TBC1D16: variants seen among roughly 807,000 people sequenced by gnomAD.
TBC1D16 encodes TBC1 domain family member 16.
A neutral mutation model predicts 74.7 loss-of-function variants in TBC1D16; 58 were observed. The observed-to-expected ratio is 0.78, with a 90% CI of 0.63 to 0.97. The LOEUF is 0.97. Ranked by LOEUF, TBC1D16 falls within the 50% of genes least tolerant of loss-of-function variation. The probability of loss-of-function intolerance (pLI) is 0.00; values close to 1 mark genes in which losing one functional copy is unlikely to be tolerated. For synonymous variants in TBC1D16, 493 were observed against 474.7 expected, an observed-to-expected ratio of 1.04 and a Z score of -0.50; for missense variants, 1,014 against 1,079.5, an observed-to-expected ratio of 0.94 and a Z score of 0.85.
chr17:79,949,130 T>C (rs1039326942), intron 7 of TBC1D16, 124 bp from the exon 8 acceptor site: 18 of 1,285,998 alleles, frequency 1.4e-5, no homozygotes, highest in Non-Finnish European at 1.9e-5. Context: ...GCTGGGCGGC[T>C]GCTGCCGGCT....
At chr17:79,982,808 G>A (rs780301855) in intron 3 of TBC1D16, among the ~76,000 whole-genome samples, 4 of 152,090 alleles carry the variant, frequency 2.6e-5, no homozygotes, top group Non-Finnish European at 5.9e-5. Context: ...GCAGTGAGCC[G>A]AGATCACGTC....
rs1449721189 is a variant in TBC1D16 at position 79,980,109 on chromosome 17, A to G, written c.780-27291T>C. Among the ~76,000 whole-genome samples, 1 of 152,174 alleles carries G rather than the reference A, an allele frequency of 6.6e-6. No homozygotes were observed. The highest frequency in any genetic ancestry group is 1.5e-5 in the Non-Finnish European group (1 of 68,026). On this transcript the variant is annotated intron_variant, in intron 3 of 11. Transcript: ENST00000310924. This position sits in a 1 kb window ranked among gnomAD's most constrained non-coding sequence, Gnocchi z 7.0. The stretch of plus-strand genomic sequence containing the variant: ...GTTCATCTGGGCCTCCGAGCCTCCC[A>G]GCGCATCCCACTGCTCTGCAGAAAC...
In TBC1D16 at chr17:80,007,112, A is replaced by G. The variant is rs577564264; in HGVS notation, c.779+3048T>C. Among the ~76,000 whole-genome samples, 315 of 152,280 alleles carry G rather than the reference A, an allele frequency of 2.1e-3. No individual in the cohort carries two copies. Among genetic ancestry groups the G allele is most frequent in the Non-Finnish European group, 3.3e-3 (225 of 68,008 alleles). ...CCACCTCGTCCCAGCACAAAGCTGC[A>G]ACTCGCCACGTTCAGCGAGCCTCCC... On this transcript the variant is annotated intron_variant, in intron 3 of 11. Transcript: ENST00000310924. This position sits in a 1 kb window ranked among gnomAD's most constrained non-coding sequence, Gnocchi z 4.5.
intron 1 of TBC1D16, among the ~76,000 whole-genome samples, chr17:80,025,392 TTGGGTCCATAAACACAAGTCAGCCACC>T (rs1285807241): frequency 6.7e-6 from 1 of 149,954 alleles, no homozygotes; most frequent in African/African-American, 2.5e-5. Context: ...CTGGTCTGTC[TTGGGTCCATAAACACAAGTCAGCCACC>T]TGTCACCGGG....
intron 1 of TBC1D16, among the ~76,000 whole-genome samples, chr17:80,033,782 G>A (rs78580448): frequency 0.056 from 8,497 of 152,308 alleles, 726 homozygotes; most frequent in African/African-American, 0.18. Context: ...AAACTCAATG[G>A]CTTTATCCTG....
At chr17:79,943,770 G>A in intron 10 of TBC1D16, 1 of 1,195,176 alleles carries the variant, frequency 8.4e-7, no homozygotes, top group Non-Finnish European at 1.1e-6. Context: ...AGGTGTCCAT[G>A]GGAAAGGGAC....
At chr17:79,957,669 G>A (rs768477264) in intron 3 of TBC1D16, among the ~76,000 whole-genome samples, 3 of 152,028 alleles carry the variant, frequency 2.0e-5, no homozygotes, top group South Asian at 2.1e-4. Context: ...GTACAAGACC[G>A]AGTGTGAATG....
At chr17:80,012,326 G>C (rs932967801) in intron 2 of TBC1D16, among the ~76,000 whole-genome samples, 1 of 152,126 alleles carries the variant, frequency 6.6e-6, no homozygotes, top group Admixed American at 6.5e-5. Flanking sequence ...GGCAACCTCC[G>C]GGTCGAGGGG....
chr17:79,945,935 G>A (rs2032498336), intron 9 of TBC1D16, among the ~76,000 whole-genome samples: 1 of 152,258 alleles, frequency 6.6e-6, no homozygotes, highest in Non-Finnish European at 1.5e-5. Flanking sequence ...TCCCACGGGA[G>A]ACTGCGCTGA....
In TBC1D16 at chr17:79,935,570, G is replaced by C. The variant is rs1445939126; in HGVS notation, c.*5289C>G. 4.6e-5 allele frequency: 7 copies of C among 152,296 alleles called. No homozygotes were observed. Among genetic ancestry groups the C allele is most frequent in the African/African-American group, 1.7e-4 (7 of 41,464 alleles). 9.4% of individuals were successfully genotyped at this position (152,296 alleles called of 1,614,324 possible). The stretch of plus-strand genomic sequence containing the variant: ...GCCCTGTTTGCCCAGCACAGAGCCT[G>C]CCGTGCTTTGACCCAGCAAGTCCCA... On this transcript the variant is annotated 3_prime_UTR_variant, in exon 12 of 12. Coordinates refer to ENST00000310924, the MANE Select transcript of TBC1D16 (RefSeq NM_019020.4).
At chr17:79,995,586 T>C (rs11150829) in intron 3 of TBC1D16, among the ~76,000 whole-genome samples, 46,815 of 133,620 alleles carry the variant, frequency 0.35, 9,274 homozygotes, top group Admixed American at 0.48. Context: ...GAGATCAAGA[T>C]CATCCTGGCT....
rs1443648655 is a variant in TBC1D16, at chr17:79,983,542, G to T, written c.779+26618C>A. Reference sequence around the variant, plus strand: ...GCACCCGCAGCACCTCAGGCACGGGGAGCTGAGCCACCGACGGCTACAAAG... The same window carrying T: ...GCACCCGCAGCACCTCAGGCACGGGTAGCTGAGCCACCGACGGCTACAAAG... On this transcript the variant is annotated intron_variant, in intron 3 of 11. Transcript: ENST00000310924. The surrounding 1 kb of genome is among the most constrained non-coding windows in gnomAD (Gnocchi z 5.6). Among the ~76,000 whole-genome samples, 1 of 152,210 alleles carries T rather than the reference G, an allele frequency of 6.6e-6. No homozygotes were observed. The highest frequency in any genetic ancestry group is 1.5e-5 in the Non-Finnish European group (1 of 68,044).
intron 4 of TBC1D16, 87 bp downstream of exon 4, chr17:79,952,570 C>T (rs747098459): frequency 1.6e-5 from 24 of 1,489,306 alleles, no homozygotes; most frequent in East Asian, 4.6e-5. Context: ...GTCCCCAAGC[C>T]GTGCACTGCA....
chr17:79,994,282 G>A lies in TBC1D16; in HGVS notation c.779+15878C>T, dbSNP rs982040409. 6.6e-6 allele frequency among the ~76,000 whole-genome samples: 1 copy of A among 151,812 alleles called. No homozygotes were observed. The highest frequency in any genetic ancestry group is 2.4e-5 in the African/African-American group (1 of 41,300). On this transcript the variant is annotated intron_variant, in intron 3 of 11. Coordinates refer to ENST00000310924, the MANE Select transcript of TBC1D16 (RefSeq NM_019020.4). The surrounding 1 kb of genome is among the most constrained non-coding windows in gnomAD (Gnocchi z 4.6). ...GTGACTTCTAGAATCCCAGCTCAGG[G>A]CCGGGGGGGTGCCAGGGCTGTGAAC...
intron 2 of TBC1D16, among the ~76,000 whole-genome samples, 161 bp downstream of exon 2, chr17:80,013,206 C>A (rs997660018): frequency 6.6e-6 from 1 of 152,330 alleles, no homozygotes; most frequent in Middle Eastern, 3.4e-3. Flanking sequence ...AGACTTAACA[C>A]CCCCCAGACC....
intron 3 of TBC1D16, among the ~76,000 whole-genome samples, chr17:79,984,619 G>GAGAAGGAA (rs1491290219): frequency 1.7e-3 from 176 of 102,402 alleles, no homozygotes; most frequent in East Asian, 4.1e-3. Flanking sequence ...GAGGGAGGGA[G>GAGAAGGAA]TGAAGGAAGG....
In TBC1D16 at chr17:79,941,984, CCTTT is replaced by C. The variant is rs527424852; in HGVS notation, c.2055+72_2055+75del. ...GGGGCCCACATCTGGGGCAGCCTCACCTTTCTGAGAACGAGCTGGTGGGGTGGGG... is the reference window on the plus strand; with the variant it reads ...GGGGCCCACATCTGGGGCAGCCTCACCTGAGAACGAGCTGGTGGGGTGGGG... On this transcript the variant is annotated intron_variant, in intron 11 of 11. Transcript: ENST00000310924. This position sits in a 1 kb window ranked among gnomAD's most constrained non-coding sequence, Gnocchi z 4.3. 28 of 1,391,278 alleles carry C rather than the reference CCTTT, an allele frequency of 2.0e-5. No homozygotes were observed. Among genetic ancestry groups the C allele is most frequent in the East Asian group, 5.3e-5 (2 of 37,622 alleles). 86.2% of individuals were successfully genotyped at this position (1,391,278 alleles called of 1,614,324 possible). A position where few individuals can be genotyped will look rare whatever the true frequency, so the allele number is the denominator to read the frequency against.
Position 79,936,568 on chromosome 17 carries a change from G to T in TBC1D16, c.*4291C>A, listed in dbSNP as rs1338143632. 1.3e-5 allele frequency: 2 copies of T among 152,306 alleles called. No individual in the cohort carries two copies. The highest frequency in any genetic ancestry group is 6.5e-5 in the Admixed American group (1 of 15,284). 9.4% of individuals were successfully genotyped at this position (152,306 alleles called of 1,614,324 possible). A position where few individuals can be genotyped will look rare whatever the true frequency, so the allele number is the denominator to read the frequency against. ...GGCCACATACCCGGGGAGAATCGCA[G>T]GCAGCAGGGGCCAGGCCCCTTCCAC... On this transcript the variant is annotated 3_prime_UTR_variant, in exon 12 of 12. Transcript: ENST00000310924.
rs113542114 is a variant in TBC1D16 at position 80,009,743 on chromosome 17, G to C, written c.779+417C>G. 3.9e-5 allele frequency among the ~76,000 whole-genome samples: 6 copies of C among 152,228 alleles called. No homozygotes were observed. The highest frequency in any genetic ancestry group is 1.4e-4 in the African/African-American group (6 of 41,466). ...ATCTGGGCTTGGGCCAGCCCTGTGC[G>C]TGAGCCTAATGATGCCACCCGGGCC... On this transcript the variant is annotated intron_variant, in intron 3 of 11. Transcript: ENST00000310924. The surrounding 1 kb of genome is among the most constrained non-coding windows in gnomAD (Gnocchi z 5.4).
Sources: allele counts gnomAD v4.1 joint callset (sites outside exome capture counted in the v4.1 genomes callset), GRCh38; gene constraint gnomAD v4.1.1; non-coding constraint Gnocchi (gnomAD v3.1); transcripts MANE v1.5; gene names NCBI Gene and HGNC (gene_info 2026-07-23, HGNC 2026-07-21).